ARID1A: variants seen among roughly 807,000 people sequenced by gnomAD.
ARID1A encodes AT-rich interaction domain 1A, also known as AT-rich interactive domain-containing protein 1A.
Under a neutral mutation model 212.6 loss-of-function variants are expected in ARID1A, and 20 were observed. That is an observed-to-expected ratio of 0.09 (90% confidence interval 0.07 to 0.14). The LOEUF is 0.14. Ranked by LOEUF, ARID1A falls within the 10% of genes least tolerant of loss-of-function variation. The pLI is 1.00. For missense variants in ARID1A, 2,587 were observed against 3,059.0 expected, an observed-to-expected ratio of 0.85 and a Z score of 3.64; for synonymous variants, 1,376 against 1,222.1, an observed-to-expected ratio of 1.13 and a Z score of -2.63.
rs2124104008 is a variant in ARID1A at position 26,772,528 on chromosome 1, G to C, written c.3435G>C (p.Gln1145His). 1.9e-6 allele frequency: 3 copies of C among 1,614,202 alleles called. No homozygotes were observed. The highest frequency in any genetic ancestry group is 2.5e-6 in the Non-Finnish European group (3 of 1,180,032). ...GATCAGGATCTATGCAGGGGCCCCA[G>C]ACTCCCCAGTCAACCAGCAGTTCCA... ...PAGSGSMQGPQTPQSTSSSMA... is the reference protein window; with the variant it reads ...PAGSGSMQGPHTPQSTSSSMA... The change falls in exon 13 of 20, where the codon CAG becomes CAC. Residue 1145 changes from glutamine to histidine, a missense_variant. Transcript: ENST00000324856.
intron 1 of ARID1A, among the ~76,000 whole-genome samples, chr1:26,699,062 T>G (rs1299805200): frequency 2.0e-5 from 3 of 152,190 alleles, no homozygotes; most frequent in South Asian, 2.1e-4. Flanking sequence ...GTGAAATTGT[T>G]TTTTTCCTGG....
chr1:26,766,144 C>T (rs970781303), intron 8 of ARID1A, 77 bp from the exon 9 acceptor site: 22 of 1,498,632 alleles, frequency 1.5e-5, no homozygotes, highest in Admixed American at 4.1e-5. Flanking sequence ...GATCACACAG[C>T]ACTATTTGGC....
chr1:26,696,431 GCCA>G lies in ARID1A; in HGVS notation c.29_31del (p.Ala10_Ser11delinsGly). ...GGCCGCGCAGGTCGCCCCCGCCGCCGCCAGCAGCCTGGGCAACCCGCCGCCGCC... is the reference window on the plus strand; with the variant it reads ...GGCCGCGCAGGTCGCCCCCGCCGCCGGCAGCCTGGGCAACCCGCCGCCGCC... On this transcript the variant is annotated inframe_deletion, in exon 1 of 20. Transcript: ENST00000324856. The G allele has an allele frequency of 7.7e-7, 1 of 1,291,436 alleles. No individual in the cohort carries two copies. Among genetic ancestry groups the G allele is most frequent in the Non-Finnish European group, 9.8e-7 (1 of 1,020,554 alleles). 80.0% of individuals were successfully genotyped at this position (1,291,436 alleles called of 1,614,324 possible).
chr1:26,717,927 C>T (rs1048864795), intron 1 of ARID1A, among the ~76,000 whole-genome samples: 1 of 152,070 alleles, frequency 6.6e-6, no homozygotes, highest in Non-Finnish European at 1.5e-5. Flanking sequence ...AGAGGATGCC[C>T]AGCTGATTTG....
chr1:26,746,115 G>A lies in ARID1A; in HGVS notation c.1920+13323G>A, dbSNP rs370796314. Among the ~76,000 whole-genome samples, 325 of 152,304 alleles carry A rather than the reference G, an allele frequency of 2.1e-3. 9 individuals are homozygous for A. The South Asian group carries it at 0.065, about 31-fold the overall frequency. ...GGACTTTGCCTTCCGTATTCTCTTT[G>A]GAGAAAGGGAAGGAGTTATGAACAG... On this transcript the variant is annotated intron_variant, in intron 4 of 19. Transcript: ENST00000324856.
chr1:26,756,147 C>T (rs2080934334), intron 4 of ARID1A, among the ~76,000 whole-genome samples: 1 of 152,094 alleles, frequency 6.6e-6, no homozygotes, highest in Non-Finnish European at 1.5e-5. Context: ...GGCAGTGGCT[C>T]ATGCCTGTAA....
At chr1:26,750,596 G>T (rs1028254765) in intron 4 of ARID1A, among the ~76,000 whole-genome samples, 1 of 152,078 alleles carries the variant, frequency 6.6e-6, no homozygotes, top group African/African-American at 2.4e-5. Context: ...GTGAGGGTTT[G>T]AAGTGGCCTA....
At chr1:26,749,370 ATTTG>A (rs2080865440) in intron 4 of ARID1A, among the ~76,000 whole-genome samples, 1 of 151,506 alleles carries the variant, frequency 6.6e-6, no homozygotes, top group Admixed American at 6.6e-5. Flanking sequence ...TGTTTGTTTT[ATTTG>A]TTTGTTGGGG....
In ARID1A at chr1:26,696,516, AGGCGGCGGC is replaced by A. The variant is rs587779737; in HGVS notation, c.120_128del (p.Ala43_Ala45del). On this transcript the variant is annotated inframe_deletion, in exon 1 of 20. Transcript: ENST00000324856. ...CAGCAGCGGGAGGAGGCGGGGGGCG[AGGCGGCGGC>A]GGCGGCAGCGGCCGAGCGCGGGGAA... is the stretch of plus-strand genomic sequence containing the variant. The A allele has an allele frequency of 1.4e-5, 17 of 1,224,684 alleles. No individual in the cohort carries two copies. Among genetic ancestry groups the A allele is most frequent in the Non-Finnish European group, 1.7e-5 (17 of 985,586 alleles). 75.9% of individuals were successfully genotyped at this position (1,224,684 alleles called of 1,614,324 possible).
In ARID1A at chr1:26,696,347, G is replaced by C. The variant is rs1343811502; in HGVS notation, c.-57G>C. On this transcript the variant is annotated 5_prime_UTR_variant, in exon 1 of 20. Coordinates refer to ENST00000324856, the MANE Select transcript of ARID1A (RefSeq NM_006015.6). ...GACTGGGCCCCGGGGCGGGGTGGGA[G>C]GGGGGGAGAAGACGAAGACAGGGCC... 1 of 1,211,368 alleles carries C rather than the reference G, an allele frequency of 8.3e-7. No individual in the cohort carries two copies. The highest frequency in any genetic ancestry group is 1.0e-6 in the Non-Finnish European group (1 of 974,080). The allele number at this position is 1,211,368 out of a possible 1,614,324, so 75.0% of individuals were successfully genotyped here.
intron 11 of ARID1A, among the ~76,000 whole-genome samples, chr1:26,768,662 T>C (rs2081058801): frequency 6.6e-6 from 1 of 152,170 alleles, no homozygotes; most frequent in Admixed American, 6.5e-5. Flanking sequence ...AGTTATTCTG[T>C]ATGGGAAACT....
intron 4 of ARID1A, among the ~76,000 whole-genome samples, chr1:26,738,912 C>T (rs1470756632): frequency 1.5e-5 from 2 of 134,288 alleles, no homozygotes; most frequent in Non-Finnish European, 3.1e-5. Flanking sequence ...GTCTCTGTTG[C>T]CCAGGCTGGA....
intron 1 of ARID1A, among the ~76,000 whole-genome samples, chr1:26,708,323 C>T (rs533157188): frequency 2.8e-5 from 3 of 108,228 alleles, no homozygotes; most frequent in South Asian, 6.8e-4. Context: ...CTTGCACTGT[C>T]GCCCAGGCTG....
At chr1:26,717,393 C>T (rs557308725) in intron 1 of ARID1A, among the ~76,000 whole-genome samples, 1 of 152,240 alleles carries the variant, frequency 6.6e-6, no homozygotes, top group Non-Finnish European at 1.5e-5. Flanking sequence ...GTTTTTAATC[C>T]CTGTTTACAG....
intron 4 of ARID1A, among the ~76,000 whole-genome samples, chr1:26,743,042 T>C (rs571306976): frequency 6.6e-6 from 1 of 152,292 alleles, no homozygotes; most frequent in South Asian, 2.1e-4. Flanking sequence ...TCCAGTAATA[T>C]TTAAGTAATC....
chr1:26,772,732 G>A (rs2124105818), intron 13 of ARID1A, 80 bp from the exon 14 acceptor site: 2 of 1,606,356 alleles, frequency 1.2e-6, no homozygotes, highest in Non-Finnish European at 1.7e-6. Context: ...TGCCTTCCCA[G>A]CCAGTGACTC....
intron 4 of ARID1A, among the ~76,000 whole-genome samples, chr1:26,756,763 C>T (rs1250523395): frequency 6.6e-6 from 1 of 151,290 alleles, no homozygotes; most frequent in Non-Finnish European, 1.5e-5. Context: ...AGTGCAGTGG[C>T]ACAATCTCGG....
intron 1 of ARID1A, among the ~76,000 whole-genome samples, chr1:26,723,601 C>A (rs1415843759): frequency 6.6e-6 from 1 of 152,182 alleles, no homozygotes; most frequent in African/African-American, 2.4e-5. Flanking sequence ...ATTACGAGCA[C>A]TAACCTTCCT....
At chr1:26,737,535 T>C (rs1476110315) in intron 4 of ARID1A, among the ~76,000 whole-genome samples, 1 of 152,160 alleles carries the variant, frequency 6.6e-6, no homozygotes, top group African/African-American at 2.4e-5. Flanking sequence ...TGTGTCTGCA[T>C]GTTAGAATTA....
Sources: gnomAD v4.1 joint callset for allele counts (sites outside exome capture counted in the v4.1 genomes callset) on GRCh38, gnomAD v4.1.1 for gene constraint, MANE v1.5 for transcripts, NCBI Gene and HGNC (gene_info 2026-07-23, HGNC 2026-07-21) for gene names.